ROBO2: variants seen among roughly 807,000 people sequenced by gnomAD.
ROBO2 encodes the protein roundabout guidance receptor 2, also known as roundabout homolog 2.
A neutral mutation model predicts 160.8 loss-of-function variants in ROBO2; 53 were observed. That is an observed-to-expected ratio of 0.33 (90% CI 0.26 to 0.41). ROBO2 has a LOEUF of 0.41. Ranked by LOEUF, ROBO2 falls within the 10% of genes least tolerant of loss-of-function variation. The pLI, the probability that ROBO2 is intolerant of heterozygous loss-of-function variation, is 1.00. For synonymous variants in ROBO2, 664 were observed against 611.7 expected, an observed-to-expected ratio of 1.09 and a Z score of -1.26; for missense variants, 1,577 against 1,722.4, an observed-to-expected ratio of 0.92 and a Z score of 1.49.
intron 21 of ROBO2, among the ~76,000 whole-genome samples, chr3:77,615,105 C>G (rs1398440808): frequency 1.3e-5 from 2 of 152,154 alleles, no homozygotes; most frequent in Non-Finnish European, 2.9e-5. Context: ...CAGCTTTCCC[C>G]ACTGAATTGT....
At chr3:77,091,692 C>G (rs2070283922) in intron 1 of ROBO2, among the ~76,000 whole-genome samples, 2 of 151,858 alleles carry the variant, frequency 1.3e-5, no homozygotes, top group Admixed American at 6.6e-5. Context: ...GACTAAGAAT[C>G]TGGTGGCCAG....
At chr3:77,418,568 A>G (rs1043099784) in intron 2 of ROBO2, among the ~76,000 whole-genome samples, 1 of 151,992 alleles carries the variant, frequency 6.6e-6, no homozygotes, top group African/African-American at 2.4e-5. Flanking sequence ...ATTGTGTAAC[A>G]CCAAATCTCT....
At chr3:77,556,876 A>G (rs2093141593) in intron 8 of ROBO2, among the ~76,000 whole-genome samples, 1 of 151,890 alleles carries the variant, frequency 6.6e-6, no homozygotes, top group Non-Finnish European at 1.5e-5. Flanking sequence ...TTGGATAATT[A>G]ACCAAAGTCT....
At chr3:75,965,211 A>G (rs1949059453) in intron 2 of ROBO2, 2 of 151,788 alleles carry the variant, frequency 1.3e-5, no homozygotes, top group South Asian at 2.1e-4. Context: ...CGTTAAGGTC[A>G]TACCTTTCTG....
At chr3:76,700,950 G>A (rs1347497232) in intron 2 of ROBO2, among the ~76,000 whole-genome samples, 1 of 151,962 alleles carries the variant, frequency 6.6e-6, no homozygotes. Flanking sequence ...ATTTAATCAT[G>A]ATTCCTCTTA....
At chr3:77,611,383 T>C (rs1196437873) in intron 21 of ROBO2, among the ~76,000 whole-genome samples, 3 of 151,974 alleles carry the variant, frequency 2.0e-5, no homozygotes, top group Non-Finnish European at 2.9e-5. Context: ...GTATGTCATA[T>C]TGGAGTTCTG....
intron 2 of ROBO2, among the ~76,000 whole-genome samples, chr3:76,230,958 C>T (rs955223188): frequency 6.6e-6 from 1 of 152,024 alleles, no homozygotes; most frequent in African/African-American, 2.4e-5. Context: ...AATCTACAGG[C>T]CGGAGAACAC....
At chr3:77,412,374 A>G (rs2076874455) in intron 2 of ROBO2, among the ~76,000 whole-genome samples, 1 of 152,258 alleles carries the variant, frequency 6.6e-6, no homozygotes, top group African/African-American at 2.4e-5. Flanking sequence ...AAGTGTGGTT[A>G]TCACACATGT....
At chr3:76,868,161 G>A (rs994195574) in intron 2 of ROBO2, among the ~76,000 whole-genome samples, 1 of 152,074 alleles carries the variant, frequency 6.6e-6, no homozygotes, top group East Asian at 1.9e-4. Context: ...TGTAAGTTAC[G>A]ATTTGTTTTT....
chr3:75,964,779 C>A (rs558540567), intron 2 of ROBO2, among the ~76,000 whole-genome samples: 1 of 151,666 alleles, frequency 6.6e-6, no homozygotes, highest in South Asian at 2.1e-4. Context: ...ATGAAATATA[C>A]AGAAAGCACC....
At chr3:76,892,856 G>T (rs1294483200) in intron 2 of ROBO2, among the ~76,000 whole-genome samples, 1 of 151,996 alleles carries the variant, frequency 6.6e-6, no homozygotes, top group Non-Finnish European at 1.5e-5. Flanking sequence ...CCTATAAGAC[G>T]TCCTTTCCAG....
chr3:76,842,824 A>C (rs1446253257), intron 2 of ROBO2, among the ~76,000 whole-genome samples: 1 of 152,148 alleles, frequency 6.6e-6, no homozygotes, highest in Non-Finnish European at 1.5e-5. Flanking sequence ...CTTTCCATAC[A>C]TTATGGAATT....
At chr3:76,650,199 A>C (rs1044881840) in intron 2 of ROBO2, among the ~76,000 whole-genome samples, 4 of 152,150 alleles carry the variant, frequency 2.6e-5, no homozygotes, top group Admixed American at 6.5e-5. Context: ...ACAAAAAATA[A>C]AAAACTGAAA....
chr3:75,931,855 C>T (rs1366995535), intron 1 of ROBO2, among the ~76,000 whole-genome samples: 1 of 151,922 alleles, frequency 6.6e-6, no homozygotes, highest in Non-Finnish European at 1.5e-5. Context: ...AGAATTAAAA[C>T]CCTAGGAGTA....
At chr3:77,107,851 T>C (rs1032434564) in intron 2 of ROBO2, among the ~76,000 whole-genome samples, 7 of 152,212 alleles carry the variant, frequency 4.6e-5, no homozygotes, top group African/African-American at 1.4e-4. Context: ...ACAGTATCTA[T>C]ATATGGAAAT....
chr3:76,501,471 G>A (rs112654080), intron 2 of ROBO2, among the ~76,000 whole-genome samples: 2 of 152,250 alleles, frequency 1.3e-5, no homozygotes, highest in Admixed American at 1.3e-4. Flanking sequence ...TTCTTTCAAG[G>A]CTAATCATTA....
intron 2 of ROBO2, among the ~76,000 whole-genome samples, chr3:76,179,678 G>A (rs72630366): frequency 0.076 from 11,567 of 152,038 alleles, 609 homozygotes; most frequent in East Asian, 0.22. Flanking sequence ...TGATACTACA[G>A]TCTTATTTTC....
intron 2 of ROBO2, among the ~76,000 whole-genome samples, chr3:77,349,210 T>C (rs922740570): frequency 1.3e-5 from 2 of 152,208 alleles, no homozygotes; most frequent in African/African-American, 4.8e-5. Flanking sequence ...ATAGATGGTA[T>C]GTTTTGGTGC....
At chr3:77,054,672 T>G (rs541094614) in intron 1 of ROBO2, among the ~76,000 whole-genome samples, 46 of 152,254 alleles carry the variant, frequency 3.0e-4, no homozygotes, top group African/African-American at 1.0e-3. Context: ...TTTCTCCTGA[T>G]GTAAGAGAGT....
Sources: gnomAD v4.1 joint callset for allele counts (sites outside exome capture counted in the v4.1 genomes callset) on GRCh38, gnomAD v4.1.1 for gene constraint, MANE v1.5 for transcripts, NCBI Gene and HGNC (gene_info 2026-07-23, HGNC 2026-07-21) for gene names.